TMEM132B: variants seen among roughly 807,000 people sequenced by gnomAD.
TMEM132B encodes transmembrane protein 132B.
A neutral mutation model predicts 90.8 loss-of-function variants in TMEM132B; 18 were observed. That is an observed-to-expected ratio of 0.20 (90% CI 0.14 to 0.29). The LOEUF (loss-of-function observed/expected upper bound fraction) is 0.29. Among genes scored for constraint, TMEM132B ranks in the 10% least tolerant of loss-of-function variants. The probability of loss-of-function intolerance (pLI) is 1.00; values close to 1 mark genes in which losing one functional copy is unlikely to be tolerated. For missense variants in TMEM132B, 1,096 were observed against 1,326.8 expected (o/e 0.83, Z 2.70); for synonymous variants, 504 against 523.3 (o/e 0.96, Z 0.50).
chr12:125,295,515 T>TGTGTGTGTGTGA (rs531489519), intron 1 of TMEM132B, among the ~76,000 whole-genome samples: 2 of 142,334 alleles, frequency 1.4e-5, no homozygotes, highest in Non-Finnish European at 3.0e-5. Flanking sequence ...TGTGTGTGTG[T>TGTGTGTGTGTGA]GAGAGAGAGA....
intron 1 of TMEM132B, among the ~76,000 whole-genome samples, chr12:125,220,207 G>T (rs1456929515): frequency 1.3e-5 from 2 of 152,240 alleles, no homozygotes; most frequent in East Asian, 3.9e-4. Context: ...CTGTTTTGTA[G>T]CACACTGAAA....
intron 2 of TMEM132B, among the ~76,000 whole-genome samples, chr12:125,358,106 G>T (rs1178879913): frequency 2.0e-5 from 3 of 151,868 alleles, no homozygotes; most frequent in Non-Finnish European, 4.4e-5. Context: ...TTGAAATCAA[G>T]CACCCATGCT....
intron 3 of TMEM132B, among the ~76,000 whole-genome samples, chr12:125,428,720 T>C (rs1463052714): frequency 6.6e-6 from 1 of 152,210 alleles, no homozygotes; most frequent in Non-Finnish European, 1.5e-5. Flanking sequence ...CAGTTATTGT[T>C]CTCTTTTTGG....
intron 1 of TMEM132B, among the ~76,000 whole-genome samples, chr12:125,279,425 T>A (rs919979283): frequency 8.5e-5 from 13 of 152,168 alleles, no homozygotes; most frequent in Non-Finnish European, 1.9e-4. Context: ...TGGTGAACAC[T>A]TGCTTTCCTT....
At chr12:125,276,276 C>T (rs1874983922) in intron 1 of TMEM132B, among the ~76,000 whole-genome samples, 1 of 152,218 alleles carries the variant, frequency 6.6e-6, no homozygotes, top group South Asian at 2.1e-4. Context: ...AGCGGTCAGA[C>T]GACTCCAGCT....
chr12:125,551,197 T>C (rs1288915751), intron 4 of TMEM132B, among the ~76,000 whole-genome samples: 1 of 152,248 alleles, frequency 6.6e-6, no homozygotes, highest in Non-Finnish European at 1.5e-5. Flanking sequence ...AAATAGCTTT[T>C]CGGTATATAT....
At chr12:125,562,272 T>C (rs2136798072) in intron 4 of TMEM132B, among the ~76,000 whole-genome samples, 1 of 152,334 alleles carries the variant, frequency 6.6e-6, no homozygotes, top group African/African-American at 2.4e-5. Flanking sequence ...GAATTAGGCT[T>C]TGGCTGAAGG....
rs746344742 is a variant in TMEM132B at position 125,644,168 on chromosome 12, C to T, written c.1530C>T (p.Thr510=). The T allele has an allele frequency of 6.2e-7, 1 of 1,614,200 alleles. No homozygotes were observed. Among genetic ancestry groups the T allele is most frequent in the Non-Finnish European group, 8.5e-7 (1 of 1,180,044 alleles). The change falls in exon 6 of 9, where the codon ACC becomes ACT. Residue 510 remains threonine, a synonymous_variant. Transcript: ENST00000682704. ...TGAACTTCACCCACCAGCACTTCAC[C>T]TCCCAGTTCGAGGTCACTGTCTGGG... ...TIVNFTHQHF[T]SQFEVTVWAP... is the part of the protein sequence containing the mutation.
In TMEM132B at chr12:125,653,630, T is replaced by A; in HGVS notation, c.2172T>A (p.Asp724Glu). Residue 724 changes from aspartate (D) to glutamate (E), a missense_variant, in exon 9 of 9, where the codon GAT (aspartate) becomes GAA (glutamate). Asp to Glu is a conservative substitution (Grantham distance 45). Coordinates refer to ENST00000682704, the MANE Select transcript of TMEM132B (RefSeq NM_001366854.1). ...DGSVTPLDIY[D>E]PKDYSVTVSS... ...CGGTGACACCTTTAGACATTTACGA[T>A]CCTAAGGATTATTCTGTTACTGTCT... The A allele has an allele frequency of 6.2e-7, 1 of 1,614,248 alleles. No homozygotes were observed. The highest frequency in any genetic ancestry group is 8.5e-7 in the Non-Finnish European group (1 of 1,180,052).
intron 3 of TMEM132B, among the ~76,000 whole-genome samples, chr12:125,514,168 G>A (rs1158243503): frequency 6.6e-6 from 1 of 152,154 alleles, no homozygotes; most frequent in African/African-American, 2.4e-5. Flanking sequence ...CTGGCTGGTC[G>A]CTTCTTGTCT....
intron 3 of TMEM132B, among the ~76,000 whole-genome samples, chr12:125,511,533 G>T (rs548730642): frequency 6.6e-6 from 1 of 151,736 alleles, no homozygotes; most frequent in East Asian, 1.9e-4. Flanking sequence ...TGCACAGCTG[G>T]TTAGAGTTCA....
intron 4 of TMEM132B, among the ~76,000 whole-genome samples, chr12:125,560,596 G>A (rs1327570321): frequency 6.6e-6 from 1 of 151,972 alleles, no homozygotes; most frequent in Non-Finnish European, 1.5e-5. Flanking sequence ...GCCGAGGCGG[G>A]TGGATCATGA....
At chr12:125,298,252 A>AAACAC (rs201097222) in intron 1 of TMEM132B, among the ~76,000 whole-genome samples, 1,984 of 152,062 alleles carry the variant, frequency 0.013, 50 homozygotes, top group African/African-American at 0.043. Context: ...CCTGTCTCCA[A>AAACAC]AACACAACAA....
At chr12:125,595,512 G>A (rs1299828313) in intron 5 of TMEM132B, among the ~76,000 whole-genome samples, 1 of 152,138 alleles carries the variant, frequency 6.6e-6, no homozygotes, top group Non-Finnish European at 1.5e-5. Context: ...CAGCACCTAA[G>A]CTCTTCACAT....
intron 3 of TMEM132B, among the ~76,000 whole-genome samples, chr12:125,430,775 C>T (rs1880477171): frequency 6.6e-6 from 1 of 152,160 alleles, no homozygotes; most frequent in Admixed American, 6.5e-5. Flanking sequence ...CTGGAACTTA[C>T]ATCTATAGAA....
intron 1 of TMEM132B, among the ~76,000 whole-genome samples, chr12:125,260,450 C>G (rs1459190495): frequency 6.6e-6 from 1 of 151,598 alleles, no homozygotes; most frequent in Non-Finnish European, 1.5e-5. Context: ...CTCCTAGGCT[C>G]AAGTGATTCT....
intron 1 of TMEM132B, among the ~76,000 whole-genome samples, chr12:125,202,513 T>G (rs1333042850): frequency 6.6e-6 from 1 of 152,260 alleles, no homozygotes; most frequent in Non-Finnish European, 1.5e-5. Flanking sequence ...ATTCCGTTTT[T>G]GTGGGCTTTT....
rs1404841450 is a variant in TMEM132B at position 125,661,721 on chromosome 12, T to C, written c.*7011T>C. 2 of 152,230 alleles carry C rather than the reference T, an allele frequency of 1.3e-5. No homozygotes were observed. The highest frequency in any genetic ancestry group is 1.9e-4 in the East Asian group (1 of 5,182). 9.4% of individuals were successfully genotyped at this position (152,230 alleles called of 1,614,324 possible). A position where few individuals can be genotyped will look rare whatever the true frequency, so the allele number is the denominator to read the frequency against. On this transcript the variant is annotated 3_prime_UTR_variant, in exon 9 of 9. Coordinates refer to ENST00000682704, the MANE Select transcript of TMEM132B (RefSeq NM_001366854.1). Reference sequence around the variant, plus strand: ...TGTGGGCATAAGCAAACACCATAACTATGAAAGGCTGAGAGTGGAGAATTA... The same window carrying C: ...TGTGGGCATAAGCAAACACCATAACCATGAAAGGCTGAGAGTGGAGAATTA...
At chr12:125,537,465 G>T (rs1405263348) in intron 4 of TMEM132B, among the ~76,000 whole-genome samples, 1 of 152,184 alleles carries the variant, frequency 6.6e-6, no homozygotes, top group East Asian at 1.9e-4. Flanking sequence ...GGGAACTTTG[G>T]CTGCCTTGTT....
Sources: gnomAD v4.1 joint callset for allele counts (sites outside exome capture counted in the v4.1 genomes callset) on GRCh38, gnomAD v4.1.1 for gene constraint, MANE v1.5 for transcripts, NCBI Gene and HGNC (gene_info 2026-07-23, HGNC 2026-07-21) for gene names.